PRKG2: variants seen among roughly 807,000 people sequenced by gnomAD.
PRKG2 encodes protein kinase cGMP-dependent 2.
PRKG2 carries 33 observed loss-of-function variants against 97.2 expected under a neutral mutation model. The observed-to-expected ratio is 0.34, with a 90% CI of 0.26 to 0.45. The LOEUF is 0.45. Among genes scored for constraint, PRKG2 ranks in the 20% least tolerant of loss-of-function variants. PRKG2 has a pLI of 1.00. For missense variants in PRKG2, 638 were observed against 900.0 expected (o/e 0.71, Z 3.73); for synonymous variants, 330 against 321.8 (o/e 1.03, Z -0.27).
intron 12 of PRKG2, 48 bp downstream of exon 12, chr4:81,140,484 AT>A (rs775224405): frequency 1.2e-5 from 18 of 1,472,022 alleles, no homozygotes; most frequent in Non-Finnish European, 1.1e-5. Context: ...AAATACATAA[AT>A]AAAGAGCCTG....
At chr4:81,212,392 A>T (rs1474495342) in intron 1 of PRKG2, among the ~76,000 whole-genome samples, 2 of 151,968 alleles carry the variant, frequency 1.3e-5, no homozygotes, top group African/African-American at 4.8e-5. Context: ...ACAGATAAAC[A>T]AGCAAACACA....
At chr4:81,134,417 C>G (rs893999222) in intron 14 of PRKG2, among the ~76,000 whole-genome samples, 1 of 152,152 alleles carries the variant, frequency 6.6e-6, no homozygotes, top group African/African-American at 2.4e-5. Flanking sequence ...AATGGTTTAA[C>G]GTCCTTGAAG....
intron 2 of PRKG2, among the ~76,000 whole-genome samples, chr4:81,188,094 A>C (rs1438977612): frequency 4.6e-5 from 7 of 152,166 alleles, no homozygotes; most frequent in South Asian, 2.1e-4. Context: ...CAACCTACAA[A>C]ATGGGAGAAA....
chr4:81,153,769 A>T, intron 6 of PRKG2, 48 bp from the exon 7 acceptor site: 1 of 1,387,530 alleles, frequency 7.2e-7, no homozygotes, highest in South Asian at 1.2e-5. Flanking sequence ...TGGAGCCAAG[A>T]TGGCCTAATA....
intron 14 of PRKG2, among the ~76,000 whole-genome samples, chr4:81,118,361 G>T (rs776867566): frequency 6.6e-6 from 1 of 152,168 alleles, no homozygotes; most frequent in African/African-American, 2.4e-5. Context: ...ATCAAGAAAC[G>T]TGATTGTTGG....
chr4:81,180,443 G>A (rs1751305579), intron 2 of PRKG2, among the ~76,000 whole-genome samples: 1 of 151,802 alleles, frequency 6.6e-6, no homozygotes, highest in African/African-American at 2.4e-5. Flanking sequence ...ATAAAAAAGT[G>A]GAAAAAGATA....
chr4:81,175,229 T>C (rs770133287), intron 2 of PRKG2, among the ~76,000 whole-genome samples: 64 of 152,106 alleles, frequency 4.2e-4, no homozygotes, highest in Admixed American at 3.9e-4. Flanking sequence ...AAATGTAGCA[T>C]TTCTCAAGAT....
chr4:81,216,812 T>G (rs1411278787), upstream of PRKG2, among the ~76,000 whole-genome samples: 1 of 151,692 alleles, frequency 6.6e-6, no homozygotes, highest in Non-Finnish European at 1.5e-5. Context: ...TAATTTCACT[T>G]AGGATAATGG....
At chr4:81,092,476 G>GGAAGGAAGGAAA in intron 17 of PRKG2, 24 bp from the exon 18 acceptor site, 1 of 814,488 alleles carries the variant, frequency 1.2e-6, no homozygotes, top group Non-Finnish European at 2.0e-6. Context: ...AAGGAAGGAA[G>GGAAGGAAGGAAA]GAAGGAAGGA....
intron 2 of PRKG2, among the ~76,000 whole-genome samples, chr4:81,195,006 C>A (rs1309368657): frequency 6.6e-6 from 1 of 152,034 alleles, no homozygotes; most frequent in Non-Finnish European, 1.5e-5. Flanking sequence ...GGGGGTTAGA[C>A]CCAGGCATCA....
At chr4:81,137,581 T>C in intron 12 of PRKG2, 99 bp from the exon 13 acceptor site, 2 of 900,016 alleles carry the variant, frequency 2.2e-6, no homozygotes, top group Non-Finnish European at 1.8e-6. Flanking sequence ...GGAACAATGA[T>C]ACTCATCTCC....
At chr4:81,094,276 T>C (rs1741895290) in intron 17 of PRKG2, among the ~76,000 whole-genome samples, 1 of 152,148 alleles carries the variant, frequency 6.6e-6, no homozygotes, top group African/African-American at 2.4e-5. Context: ...GGAAAGATTA[T>C]TTAATATAGA....
intron 6 of PRKG2, among the ~76,000 whole-genome samples, chr4:81,165,344 T>A (rs1424096710): frequency 1.3e-5 from 2 of 152,152 alleles, no homozygotes; most frequent in Admixed American, 1.3e-4. Flanking sequence ...CCCTGCTACA[T>A]GCAAAACTCC....
rs1052242872 is a variant in PRKG2 at position 81,153,694 on chromosome 4, T to C, written c.940A>G (p.Ile314Val). 1.9e-6 allele frequency: 3 copies of C among 1,606,864 alleles called. No individual in the cohort carries two copies. Among genetic ancestry groups the C allele is most frequent in the Non-Finnish European group, 2.6e-6 (3 of 1,173,452 alleles). The stretch of plus-strand genomic sequence containing the variant: ...GTACTTCCTTCCTCGCCCTCTCTAA[T>C]GATGTAATCTCCTTTGTCATAGTAT... ...VEYYDKGDYI[I>V]REGEEGSTFF... The change falls in exon 7 of 19, where the codon ATT (isoleucine) becomes GTT (valine). Residue 314 changes from isoleucine to valine, a missense_variant. Ile to Val is a conservative substitution (Grantham distance 29). Around this residue, in one of 3 missense-constraint regions of PRKG2, gnomAD observed 332 missense variants for 421.7 expected, o/e 0.79. Coordinates refer to ENST00000264399, the MANE Select transcript of PRKG2 (RefSeq NM_006259.3).
chr4:81,174,852 T>G lies in PRKG2; in HGVS notation c.569A>C (p.Gln190Pro), dbSNP rs1185102778. The G allele has an allele frequency of 6.2e-7, 1 of 1,613,440 alleles. No homozygotes were observed. Among genetic ancestry groups the G allele is most frequent in the Admixed American group, 1.7e-5 (1 of 60,002 alleles). Residue 190 changes from glutamine to proline, a missense_variant, in exon 3 of 19, where the codon CAG becomes CCG. Gln to Pro is a moderately conservative substitution (Grantham distance 76, BLOSUM62 -1). This residue lies in a region of PRKG2 where 332 missense variants were observed against 421.7 expected (regional missense o/e 0.79). Transcript: ENST00000264399. ...TTGCTTAATAATGTAACTCCCTTGC[T>G]GATAGTTTCTCCCATACATGCATTC... Reference protein sequence around the residue: ...MVECMYGRNYQQGSYIIKQGE... With the variant: ...MVECMYGRNYPQGSYIIKQGE...
intron 17 of PRKG2, among the ~76,000 whole-genome samples, chr4:81,100,422 C>T (rs903938302): frequency 1.3e-5 from 2 of 152,152 alleles, no homozygotes; most frequent in Non-Finnish European, 2.9e-5. Flanking sequence ...CATCTACAAC[C>T]ATCTGATCTT....
At chr4:81,113,757 A>C (rs971021342) in intron 14 of PRKG2, among the ~76,000 whole-genome samples, 1 of 152,170 alleles carries the variant, frequency 6.6e-6, no homozygotes, top group Non-Finnish European at 1.5e-5. Context: ...CATTCCAAAA[A>C]AATATTTATG....
chr4:81,112,672 G>A (rs138064555), intron 14 of PRKG2, among the ~76,000 whole-genome samples: 10 of 152,208 alleles, frequency 6.6e-5, no homozygotes, highest in South Asian at 2.1e-4. Context: ...TAAATGTATC[G>A]CTTTCTTTAT....
chr4:81,171,576 AAC>A (rs764462351), intron 4 of PRKG2, 113 bp downstream of exon 4: 25 of 695,634 alleles, frequency 3.6e-5, no homozygotes, highest in Non-Finnish European at 5.2e-5. Flanking sequence ...CTATTATAAG[AAC>A]ATATAGGGTA....
Sources: allele counts gnomAD v4.1 joint callset (sites outside exome capture counted in the v4.1 genomes callset), GRCh38; gene constraint gnomAD v4.1.1; regional missense constraint gnomAD v4.1.1; transcripts MANE v1.5; gene names NCBI Gene and HGNC (gene_info 2026-07-23, HGNC 2026-07-21).